DIAPH1: variants seen among roughly 807,000 people sequenced by gnomAD.
The protein encoded by DIAPH1 is diaphanous related formin 1, also known as protein diaphanous homolog 1.
Under a neutral mutation model 140.7 loss-of-function variants are expected in DIAPH1, and 46 were observed. That is an observed-to-expected ratio of 0.33 (90% CI 0.26 to 0.42). The LOEUF (loss-of-function observed/expected upper bound fraction) is 0.42. Among genes scored for constraint, DIAPH1 ranks in the 10% least tolerant of loss-of-function variants. The pLI, the probability that DIAPH1 is intolerant of heterozygous loss-of-function variation, is 1.00. For synonymous variants in DIAPH1, 565 were observed against 551.6 expected, an observed-to-expected ratio of 1.02 and a Z score of -0.34; for missense variants, 1,310 against 1,558.7, an observed-to-expected ratio of 0.84 and a Z score of 2.69.
chr5:141,543,037 A>G (rs984522029), intron 18 of DIAPH1, among the ~76,000 whole-genome samples: 11 of 152,100 alleles, frequency 7.2e-5, no homozygotes, highest in Non-Finnish European at 1.6e-4. Flanking sequence ...ATTTAAGGGT[A>G]AAAGGTCATG....
intron 1 of DIAPH1, among the ~76,000 whole-genome samples, chr5:141,613,451 C>G (rs2099902158): frequency 6.6e-6 from 1 of 152,194 alleles, no homozygotes; most frequent in Non-Finnish European, 1.5e-5. Flanking sequence ...TCCAAAATTT[C>G]TGCTCCTCTT....
chr5:141,518,948 T>G (rs768130609), intron 27 of DIAPH1: 165 of 1,550,462 alleles, frequency 1.1e-4, no homozygotes, highest in Non-Finnish European at 1.4e-4. Flanking sequence ...GGTTACCAAT[T>G]TAAAGGTCTC....
At chr5:141,553,057 C>A (rs1038306376) in intron 18 of DIAPH1, among the ~76,000 whole-genome samples, 1 of 149,010 alleles carries the variant, frequency 6.7e-6, no homozygotes, top group African/African-American at 2.5e-5. Flanking sequence ...GGGAGGCTGA[C>A]GCGGGCCTAT....
chr5:141,609,167 G>T (rs2099901419), intron 1 of DIAPH1, among the ~76,000 whole-genome samples: 1 of 78,212 alleles, frequency 1.3e-5, no homozygotes. Flanking sequence ...ATTACTAAAT[G>T]CAAAAAAAAA....
chr5:141,524,987 C>T (rs949772916), intron 26 of DIAPH1, among the ~76,000 whole-genome samples: 6 of 152,106 alleles, frequency 3.9e-5, no homozygotes, highest in Non-Finnish European at 5.9e-5. Flanking sequence ...AGGTCCATTA[C>T]GCCACCTGTT....
At chr5:141,526,513 TC>T (rs764671813) in intron 24 of DIAPH1, 52 bp from the exon 25 acceptor site, 3 of 1,608,076 alleles carry the variant, frequency 1.9e-6, no homozygotes, top group Non-Finnish European at 2.6e-6. Context: ...CAGACCCACT[TC>T]TCTAGCCCAA....
rs910521338 is a variant in DIAPH1 at position 141,539,499 on chromosome 5, T to C, written c.2483-5066A>G. On this transcript the variant is annotated intron_variant, in intron 18 of 27. Transcript: ENST00000389054. ...GTTGGCCAGGATGGTCTTGATCTCC[T>C]GACCTTGTGATCCGCCCACCTCGGC... Among the ~76,000 whole-genome samples, 280 of 147,858 alleles carry C rather than the reference T, an allele frequency of 1.9e-3. 1 individual carries two copies. The highest frequency in any genetic ancestry group is 1.4e-3 in the Non-Finnish European group (91 of 67,172).
At chr5:141,517,148 G>A (rs2154594801) in intron 27 of DIAPH1, 140 bp from the exon 28 acceptor site, 2 of 904,194 alleles carry the variant, frequency 2.2e-6, no homozygotes, top group Non-Finnish European at 1.7e-6. Flanking sequence ...TTGAAGAAAG[G>A]GGCAGAGATC....
chr5:141,587,645 C>G (rs565186538), intron 2 of DIAPH1, among the ~76,000 whole-genome samples: 2 of 152,148 alleles, frequency 1.3e-5, no homozygotes, highest in Non-Finnish European at 2.9e-5. Context: ...AGATACAAGC[C>G]AAATAGGATA....
intron 1 of DIAPH1, among the ~76,000 whole-genome samples, chr5:141,600,384 C>T (rs965673278): frequency 2.0e-5 from 3 of 152,202 alleles, no homozygotes; most frequent in Non-Finnish European, 4.4e-5. Flanking sequence ...GATACACAAT[C>T]CATGCCAAAC....
chr5:141,574,065 A>G lies in DIAPH1; in HGVS notation c.1785T>C (p.Ile595=). 2 of 1,609,118 alleles carry G rather than the reference A, an allele frequency of 1.2e-6. No homozygotes were observed. The highest frequency in any genetic ancestry group is 2.2e-5 in the South Asian group (2 of 90,278). Residue 595 remains isoleucine, a synonymous_variant, in exon 16 of 28, where the codon ATT becomes ATC. Coordinates refer to ENST00000389054, the MANE Select transcript of DIAPH1 (RefSeq NM_005219.5). ...APPLPGDSGT[I]IPPPPAPGDS... is the part of the protein sequence containing the mutation. The stretch of plus-strand genomic sequence containing the variant: ...CCCCAGGAGCAGGTGGTGGTGGAAT[A>G]ATAGTGCCAGAGTCACCAGGTAAAG...
intron 18 of DIAPH1, among the ~76,000 whole-genome samples, chr5:141,554,291 C>A (rs976734702): frequency 6.6e-6 from 1 of 151,502 alleles, no homozygotes; most frequent in African/African-American, 2.4e-5. Context: ...CCGCTCCCCC[C>A]AAAAAAAGGA....
rs141566025 is a variant in DIAPH1, at chr5:141,582,385, G to A, written c.621-10C>T. 7.4e-5 allele frequency: 118 copies of A among 1,605,142 alleles called. 1 individual carries two copies. The East Asian group carries it at 2.6e-3, about 35-fold the overall frequency. On this transcript the variant is annotated splice_polypyrimidine_tract_variant and intron_variant, in intron 6 of 27. Transcript: ENST00000389054. ...CCGGCTATCGTAACTCCTGTATATA[G>A]AAGACATAATCAGTGAGGTCCCTTT...
At chr5:141,560,018 T>A (rs970533950) in intron 18 of DIAPH1, among the ~76,000 whole-genome samples, 2 of 152,196 alleles carry the variant, frequency 1.3e-5, no homozygotes, top group Non-Finnish European at 2.9e-5. Flanking sequence ...TGATCCGCAA[T>A]TATTTCTGTA....
At chr5:141,617,944 G>C (rs191712310) in intron 1 of DIAPH1, among the ~76,000 whole-genome samples, 1 of 152,256 alleles carries the variant, frequency 6.6e-6, no homozygotes, top group Admixed American at 6.5e-5. Flanking sequence ...AAAAGGAGTA[G>C]AGGAGACGGT....
At chr5:141,552,840 C>G (rs973765492) in intron 18 of DIAPH1, among the ~76,000 whole-genome samples, 6 of 152,100 alleles carry the variant, frequency 3.9e-5, no homozygotes, top group Non-Finnish European at 8.8e-5. Context: ...CAAGAGAAGG[C>G]GAGAGGCCTC....
intron 1 of DIAPH1, among the ~76,000 whole-genome samples, chr5:141,612,886 C>A (rs1387109137): frequency 6.6e-6 from 1 of 152,184 alleles, no homozygotes; most frequent in Non-Finnish European, 1.5e-5. Flanking sequence ...AACGTATGCT[C>A]TTTGGTTTTC....
At chr5:141,599,477 G>A (rs1035278087) in intron 1 of DIAPH1, among the ~76,000 whole-genome samples, 10 of 152,242 alleles carry the variant, frequency 6.6e-5, no homozygotes, top group South Asian at 2.1e-4. Context: ...ACGATTCTAG[G>A]AGGCCCAGGA....
At chr5:141,608,138 T>A (rs1305302907) in intron 1 of DIAPH1, among the ~76,000 whole-genome samples, 1 of 152,152 alleles carries the variant, frequency 6.6e-6, no homozygotes, top group African/African-American at 2.4e-5. Flanking sequence ...TTTCTTAATC[T>A]ATAAAGTAAA....
Sources: allele counts gnomAD v4.1 joint callset (sites outside exome capture counted in the v4.1 genomes callset), GRCh38; gene constraint gnomAD v4.1.1; transcripts MANE v1.5; gene names NCBI Gene and HGNC (gene_info 2026-07-23, HGNC 2026-07-21).